The following TRABD2B variants were observed in gnomAD, a reference collection of about 807,000 sequenced individuals.
TRABD2B encodes metalloprotease TIKI2.
A neutral mutation model predicts 40.1 loss-of-function variants in TRABD2B; 14 were observed. That is an observed-to-expected ratio of 0.35 (90% confidence interval 0.23 to 0.55). The LOEUF (loss-of-function observed/expected upper bound fraction) is 0.55. TRABD2B is among the 20% of genes least tolerant of loss of function. The pLI is 0.90. For missense variants in TRABD2B, 541 were observed against 648.6 expected, an observed-to-expected ratio of 0.83 and a Z score of 1.80; for synonymous variants, 263 against 277.0, an observed-to-expected ratio of 0.95 and a Z score of 0.50.
chr1:47,784,597 A>G (rs1644570048), intron 4 of TRABD2B, among the ~76,000 whole-genome samples: 1 of 152,224 alleles, frequency 6.6e-6, no homozygotes, highest in Admixed American at 6.5e-5. Flanking sequence ...AATGCAAGGG[A>G]AACTTTCAAA....
At chr1:47,984,667 C>T (rs1645895169) in intron 2 of TRABD2B, among the ~76,000 whole-genome samples, 1 of 152,190 alleles carries the variant, frequency 6.6e-6, no homozygotes, top group African/African-American at 2.4e-5. Context: ...TGCCTCCAAT[C>T]TCCTGAGCCT....
intron 2 of TRABD2B, among the ~76,000 whole-genome samples, chr1:47,852,552 G>A (rs568088116): frequency 1.9e-4 from 29 of 152,276 alleles, no homozygotes; most frequent in Non-Finnish European, 3.2e-4. Context: ...TGCTGGTCAC[G>A]TCTGGCCAGA....
intron 2 of TRABD2B, among the ~76,000 whole-genome samples, chr1:47,837,452 C>A (rs1252090226): frequency 6.6e-6 from 1 of 152,178 alleles, no homozygotes; most frequent in Non-Finnish European, 1.5e-5. Flanking sequence ...CCGATCTCAA[C>A]AGTCTCCATT....
chr1:47,838,207 A>G (rs1301776889), intron 2 of TRABD2B, among the ~76,000 whole-genome samples: 1 of 152,208 alleles, frequency 6.6e-6, no homozygotes, highest in Non-Finnish European at 1.5e-5. Flanking sequence ...AGACACATCC[A>G]TGGCTGGTTT....
At chr1:47,853,859 C>T (rs11576406) in intron 2 of TRABD2B, among the ~76,000 whole-genome samples, 3,597 of 152,330 alleles carry the variant, frequency 0.024, 114 homozygotes, top group Admixed American at 0.095. Flanking sequence ...TTCTCCAAGT[C>T]GTAGCTAGAG....
intron 2 of TRABD2B, among the ~76,000 whole-genome samples, chr1:47,902,420 A>G (rs996311636): frequency 1.1e-4 from 16 of 152,192 alleles, no homozygotes; most frequent in Non-Finnish European, 2.2e-4. Flanking sequence ...GAAGGAGTCC[A>G]GGGTCCTCAG....
intron 2 of TRABD2B, among the ~76,000 whole-genome samples, chr1:47,839,871 G>A (rs1487258657): frequency 6.6e-6 from 1 of 152,180 alleles, no homozygotes; most frequent in Non-Finnish European, 1.5e-5. Context: ...ATAAAGTTGA[G>A]GGTGGGGAGC....
chr1:47,934,552 G>A (rs1031414325), intron 2 of TRABD2B, among the ~76,000 whole-genome samples: 2 of 152,254 alleles, frequency 1.3e-5, no homozygotes, highest in Non-Finnish European at 2.9e-5. Context: ...CCTCGCGTGA[G>A]CAGCTTTGGG....
intron 2 of TRABD2B, among the ~76,000 whole-genome samples, chr1:47,927,229 G>A (rs549019892): frequency 6.6e-6 from 1 of 152,350 alleles, no homozygotes; most frequent in South Asian, 2.1e-4. Context: ...AGGGCTGGGT[G>A]TGCTGAGACC....
rs551955819 is a variant in TRABD2B at position 47,940,254 on chromosome 1, C to A, written c.666+53780G>T. 6.9e-4 allele frequency among the ~76,000 whole-genome samples: 105 copies of A among 152,312 alleles called. 1 individual carries two copies. Among genetic ancestry groups the A allele is most frequent in the African/African-American group, 2.5e-3 (103 of 41,574 alleles). ...GGTAGAATGGATAATGCTTCCAGCA[C>A]CCAGCACCCTGCAGAATTCTTGTGC... is the stretch of plus-strand genomic sequence containing the variant. On this transcript the variant is annotated intron_variant, in intron 2 of 6. Coordinates refer to ENST00000606738, the MANE Select transcript of TRABD2B (RefSeq NM_001194986.2).
chr1:47,842,426 T>A (rs1326016117), intron 2 of TRABD2B, among the ~76,000 whole-genome samples: 1 of 152,142 alleles, frequency 6.6e-6, no homozygotes, highest in Non-Finnish European at 1.5e-5. Flanking sequence ...TTCTGCCTGG[T>A]CCCTGCTGGG....
intron 2 of TRABD2B, among the ~76,000 whole-genome samples, chr1:47,820,395 G>A (rs1338704073): frequency 1.3e-5 from 2 of 152,220 alleles, no homozygotes; most frequent in African/African-American, 4.8e-5. Flanking sequence ...TTACTTTACA[G>A]AAAAGCTCAA....
At chr1:47,858,048 GTTA>G (rs1363308256) in intron 2 of TRABD2B, among the ~76,000 whole-genome samples, 2 of 151,682 alleles carry the variant, frequency 1.3e-5, no homozygotes, top group Non-Finnish European at 2.9e-5. Context: ...TGTATGATTA[GTTA>G]TTATTGTTAA....
chr1:47,786,987 G>A (rs1177840331), intron 4 of TRABD2B, among the ~76,000 whole-genome samples: 3 of 152,130 alleles, frequency 2.0e-5, no homozygotes, highest in Admixed American at 6.5e-5. Flanking sequence ...CTACAAATGT[G>A]AGCCACTGTG....
At chr1:47,952,271 C>T (rs139051196) in intron 2 of TRABD2B, among the ~76,000 whole-genome samples, 166 of 152,302 alleles carry the variant, frequency 1.1e-3, no homozygotes, top group African/African-American at 3.8e-3. Flanking sequence ...TCCAAATGTG[C>T]TCCTTCATTG....
At chr1:47,989,023 A>G (rs1645962393) in intron 2 of TRABD2B, among the ~76,000 whole-genome samples, 1 of 152,194 alleles carries the variant, frequency 6.6e-6, no homozygotes, top group African/African-American at 2.4e-5. Context: ...CGAATGGGAT[A>G]AGGACCCTTA....
intron 2 of TRABD2B, 141 bp from the exon 3 acceptor site, chr1:47,801,760 G>A: frequency 1.9e-6 from 2 of 1,075,954 alleles, no homozygotes; most frequent in South Asian, 3.4e-5. Flanking sequence ...AGCTGGCTCA[G>A]GCTGTGTGTT....
At chr1:47,841,751 A>G (rs1417141) in intron 2 of TRABD2B, among the ~76,000 whole-genome samples, 149,076 of 151,902 alleles carry the variant, frequency 0.98, 73,228 homozygotes, top group East Asian at 1. Context: ...AGGTCTTGCA[A>G]GGATGACCCA....
At chr1:47,811,827 A>C (rs2124352583) in intron 2 of TRABD2B, among the ~76,000 whole-genome samples, 1 of 152,334 alleles carries the variant, frequency 6.6e-6, no homozygotes, top group South Asian at 2.1e-4. Context: ...GGTTCCTCTG[A>C]AACAGGAGGG....
Sources: allele counts gnomAD v4.1 joint callset (sites outside exome capture counted in the v4.1 genomes callset), GRCh38; gene constraint gnomAD v4.1.1; transcripts MANE v1.5; gene names NCBI Gene and HGNC (gene_info 2026-07-23, HGNC 2026-07-21).